C2orf74: variants seen among roughly 807,000 people sequenced by gnomAD.
C2orf74 encodes uncharacterized protein C2orf74.
Under a neutral mutation model 17.9 loss-of-function variants are expected in C2orf74, and 14 were observed. That is an observed-to-expected ratio of 0.78 (90% CI 0.52 to 1.22). C2orf74 has a LOEUF of 1.22. Ranked by LOEUF, C2orf74 falls within the 50% of genes most tolerant of loss-of-function variation. The pLI is 0.00. For missense variants in C2orf74, 217 were observed against 218.4 expected, an observed-to-expected ratio of 0.99 and a Z score of 0.04; for synonymous variants, 79 against 72.6, an observed-to-expected ratio of 1.09 and a Z score of -0.44.
rs1166347493 is a variant in C2orf74, at chr2:61,153,149, CA to C, written c.-122+7971del. Reference sequence around the variant, plus strand: ...GGCAACAAGAGCAAAACTCCGTCTCCAAAAAAAAAAAAAAAAAACAACATTA... The same window carrying C: ...GGCAACAAGAGCAAAACTCCGTCTCCAAAAAAAAAAAAAAAAACAACATTA... On this transcript the variant is annotated intron_variant, in intron 1 of 3. Coordinates refer to the C2orf74 transcript ENST00000426997. 5.9e-3 allele frequency among the ~76,000 whole-genome samples: 334 copies of C among 56,230 alleles called. 1 individual carries two copies. Among genetic ancestry groups the C allele is most frequent in the Middle Eastern group, 0.028 (3 of 106 alleles). The allele number at this position is 56,230 out of a possible 152,430, so 36.9% of individuals were successfully genotyped here. A position where few individuals can be genotyped will look rare whatever the true frequency, so the allele number is the denominator to read the frequency against.
intron 1 of C2orf74, among the ~76,000 whole-genome samples, chr2:61,155,755 C>T (rs765333474): frequency 3.9e-5 from 6 of 152,106 alleles, no homozygotes; most frequent in Non-Finnish European, 8.8e-5. Context: ...CTCCTAACCA[C>T]GTTATCCACC....
chr2:61,153,487 T>A (rs111543747), intron 1 of C2orf74, among the ~76,000 whole-genome samples: 66,058 of 151,104 alleles, frequency 0.44, 14,733 homozygotes, highest in Middle Eastern at 0.5. Context: ...TTTCACCATG[T>A]TAGCCAGGGT....
At chr2:61,163,295 T>G in intron 4 of C2orf74, 63 bp downstream of exon 4, 6 of 1,474,878 alleles carry the variant, frequency 4.1e-6, no homozygotes, top group Non-Finnish European at 5.5e-6. Context: ...ATAAGGTACA[T>G]TCCTCAGCTA....
At chr2:61,162,783 C>A in intron 2 of C2orf74, 59 bp from the exon 3 acceptor site, 2 of 1,387,482 alleles carry the variant, frequency 1.4e-6, no homozygotes, top group South Asian at 1.2e-5. Flanking sequence ...GTTTCTATAC[C>A]ACACCTTAAA....
In C2orf74 at chr2:61,163,066, T is replaced by C. The variant is rs1573724009; in HGVS notation, c.224T>C (p.Val75Ala). Residue 75 changes from valine (V) to alanine (A), a missense_variant, in exon 4 of 5, where the codon GTC becomes GCC. By Grantham distance (64) the Val-to-Ala change is moderately conservative. Coordinates refer to ENST00000432605, the MANE Select transcript of C2orf74 (RefSeq NM_001143959.4). Reference sequence around the variant, plus strand: ...TAATTTTCTAGGATCTTAATGCAAGTCATGAACTTGAATGTGCCGATGAGG... The same window carrying C: ...TAATTTTCTAGGATCTTAATGCAAGCCATGAACTTGAATGTGCCGATGAGG... ...PEDHERILMQVMNLNVPMRPG... is the reference protein window; with the variant it reads ...PEDHERILMQAMNLNVPMRPG... 6.4e-7 allele frequency: 1 copy of C among 1,552,126 alleles called. No individual in the cohort carries two copies. The highest frequency in any genetic ancestry group is 2.4e-5 in the East Asian group (1 of 41,064).
chr2:61,154,148 C>T (rs1366197860), intron 1 of C2orf74, among the ~76,000 whole-genome samples: 16 of 151,022 alleles, frequency 1.1e-4, no homozygotes, highest in African/African-American at 1.7e-4. Context: ...GCAGGAGAAT[C>T]GCTTGAACCT....
chr2:61,151,755 AC>A (rs1256615267), intron 1 of C2orf74: 1 of 152,142 alleles, frequency 6.6e-6, no homozygotes, highest in Non-Finnish European at 1.5e-5. Context: ...TTGTTTTATG[AC>A]CCACTCTCGG....
Position 61,162,233 on chromosome 2 carries a change from G to A in C2orf74, c.-187G>A. On this transcript the variant is annotated 5_prime_UTR_variant, in exon 1 of 5. It adds an upstream start codon to the 5' untranslated region. Transcript: ENST00000432605. ...CCTGATAGTTTTTGGGGTGAGGGAGGTGAGCTGCGTGATCACACATGTCCC... is the reference window on the plus strand; with the variant it reads ...CCTGATAGTTTTTGGGGTGAGGGAGATGAGCTGCGTGATCACACATGTCCC... 1 of 428,598 alleles carries A rather than the reference G, an allele frequency of 2.3e-6. No individual in the cohort carries two copies. Among genetic ancestry groups the A allele is most frequent in the South Asian group, 3.7e-5 (1 of 26,834 alleles). 26.5% of individuals were successfully genotyped at this position (428,598 alleles called of 1,614,324 possible).
In C2orf74 at chr2:61,155,764, C is replaced by G. The variant is rs374820787; in HGVS notation, c.-121-7078C>G. ...CTCAATCTCCTAACCACGTTATCCA[C>G]CCGGCTTGGCCTCCCAAAATGCTGG... On this transcript the variant is annotated intron_variant, in intron 1 of 3. Coordinates refer to the C2orf74 transcript ENST00000426997. 8.5e-5 allele frequency among the ~76,000 whole-genome samples: 13 copies of G among 152,278 alleles called. No individual in the cohort carries two copies. In the East Asian group the frequency reaches 2.1e-3, roughly 25 times the overall value.
intron 1 of C2orf74, among the ~76,000 whole-genome samples, chr2:61,153,103 G>T (rs924428913): frequency 7.0e-6 from 1 of 142,190 alleles, no homozygotes; most frequent in Non-Finnish European, 1.5e-5. Context: ...GGTGAGCCGA[G>T]ATGGTGCCAT....
upstream of C2orf74, among the ~76,000 whole-genome samples, chr2:61,160,097 C>T (rs1332192136): frequency 6.6e-6 from 1 of 151,876 alleles, no homozygotes; most frequent in Non-Finnish European, 1.5e-5. Context: ...TTGTGTCTGG[C>T]TTACTTTACT....
chr2:61,158,854 C>A (rs546714169), upstream of C2orf74, among the ~76,000 whole-genome samples: 7 of 152,174 alleles, frequency 4.6e-5, no homozygotes, highest in East Asian at 1.4e-3. Flanking sequence ...GGGGAGAGTC[C>A]ATTTCTGTGT....
chr2:61,157,797 C>A, upstream of C2orf74: 1 of 447,362 alleles, frequency 2.2e-6, no homozygotes, highest in Non-Finnish European at 4.7e-6. Flanking sequence ...ATTCAGGCAG[C>A]TGTGACGGAG....
chr2:61,158,120 C>G, upstream of C2orf74: 3 of 402,966 alleles, frequency 7.4e-6, no homozygotes, highest in South Asian at 5.5e-5. Context: ...CCAAAGAGAA[C>G]CCCTGCTCCC....
At chr2:61,152,502 T>A (rs1412766801) in intron 1 of C2orf74, among the ~76,000 whole-genome samples, 9 of 148,164 alleles carry the variant, frequency 6.1e-5, no homozygotes, top group Non-Finnish European at 1.5e-5. Context: ...GATCATGCCA[T>A]TGCACTCCAG....
At chr2:61,153,908 G>T (rs550019293) in intron 1 of C2orf74, among the ~76,000 whole-genome samples, 134 of 148,618 alleles carry the variant, frequency 9.0e-4, no homozygotes, top group Non-Finnish European at 1.6e-3. Context: ...GAAAAAGAAA[G>T]AAAAAAAGAA....
Position 61,152,313 on chromosome 2 carries a change from G to A in C2orf74, c.-122+7117G>A, listed in dbSNP as rs557192261. Among the ~76,000 whole-genome samples, 10 of 152,042 alleles carry A rather than the reference G, an allele frequency of 6.6e-5. No individual in the cohort carries two copies. In the East Asian group the frequency reaches 7.7e-4, roughly 12 times the overall value. On this transcript the variant is annotated intron_variant, in intron 1 of 3. Transcript: ENST00000426997. ...TCCCAGCACTTTGGGAGGCCGAGGCGGGCAGATCACGAGGTCAGGAGATCG... is the reference window on the plus strand; with the variant it reads ...TCCCAGCACTTTGGGAGGCCGAGGCAGGCAGATCACGAGGTCAGGAGATCG...
At chr2:61,153,884 G>A (rs866673959) in intron 1 of C2orf74, among the ~76,000 whole-genome samples, 10 of 139,352 alleles carry the variant, frequency 7.2e-5, no homozygotes, top group Non-Finnish European at 7.7e-5. Context: ...GCAACACTCC[G>A]TCTCAAAAAA....
intron 1 of C2orf74, among the ~76,000 whole-genome samples, chr2:61,150,955 T>G (rs538837233): frequency 6.6e-6 from 1 of 152,246 alleles, no homozygotes; most frequent in South Asian, 2.1e-4. Context: ...TGCCACAGGC[T>G]GCACCCTTTG....
Sources: allele counts gnomAD v4.1 joint callset (sites outside exome capture counted in the v4.1 genomes callset), GRCh38; gene constraint gnomAD v4.1.1; transcripts MANE v1.5; gene names NCBI Gene and HGNC (gene_info 2026-07-23, HGNC 2026-07-21).